GPNMB: variants seen among roughly 807,000 people sequenced by gnomAD.
GPNMB encodes transmembrane glycoprotein NMB.
In GPNMB, 71 loss-of-function variants were observed where a neutral mutation model predicts 57.3. That is an observed-to-expected ratio of 1.24 (90% CI 1.02 to 1.51). The LOEUF (loss-of-function observed/expected upper bound fraction) is 1.51, where lower values mean the gene tolerates loss of function less well. GPNMB is among the 40% of genes most tolerant of loss of function. The probability of loss-of-function intolerance (pLI) is 0.00; values close to 1 mark genes in which losing one functional copy is unlikely to be tolerated. For synonymous variants in GPNMB, 253 were observed against 263.2 expected, an observed-to-expected ratio of 0.96 and a Z score of 0.38; for missense variants, 677 against 691.9, an observed-to-expected ratio of 0.98 and a Z score of 0.24.
intron 3 of GPNMB, among the ~76,000 whole-genome samples, chr7:23,256,246 G>A (rs1367276149): frequency 1.3e-5 from 2 of 152,200 alleles, no homozygotes; most frequent in East Asian, 1.9e-4. Flanking sequence ...ACAACAAATT[G>A]TTGTTAACTA....
chr7:23,263,280 A>G (rs1782973528), intron 6 of GPNMB, among the ~76,000 whole-genome samples: 1 of 152,132 alleles, frequency 6.6e-6, no homozygotes, highest in Non-Finnish European at 1.5e-5. Context: ...GCTATTTAAA[A>G]TTTCTGTTGT....
intron 6 of GPNMB, 139 bp downstream of exon 6, chr7:23,260,912 T>C (rs1782907630): frequency 3.3e-6 from 2 of 603,016 alleles, no homozygotes; most frequent in African/African-American, 1.9e-5. Flanking sequence ...GTTGATTTTT[T>C]AAAGCAAAGT....
chr7:23,260,171 C>T, intron 5 of GPNMB, 33 bp downstream of exon 5: 5 of 1,606,954 alleles, frequency 3.1e-6, no homozygotes, highest in Non-Finnish European at 4.3e-6. Flanking sequence ...GAGGATGAGG[C>T]ACTTCATTCT....
Position 23,253,376 on chromosome 7 carries a change from G to T in GPNMB, c.140G>T (p.Trp47Leu). ...AGGGAGCACAATCAATTAAATGGCTGGTCTTCTGATGAAAATGACTGGAAT... is the reference window on the plus strand; with the variant it reads ...AGGGAGCACAATCAATTAAATGGCTTGTCTTCTGATGAAAATGACTGGAAT... Reference protein sequence around the residue: ...YMREHNQLNGWSSDENDWNEK... With the variant: ...YMREHNQLNGLSSDENDWNEK... The change falls in exon 2 of 11, where the codon TGG becomes TTG. Residue 47 changes from tryptophan (W) to leucine (L), a missense_variant. Coordinates refer to ENST00000258733, the MANE Select transcript of GPNMB (RefSeq NM_002510.3). 2 of 1,613,550 alleles carry T rather than the reference G, an allele frequency of 1.2e-6. No homozygotes were observed.
intron 4 of GPNMB, 69 bp downstream of exon 4, chr7:23,257,134 C>T (rs745814030): frequency 5.3e-6 from 7 of 1,314,622 alleles, no homozygotes; most frequent in Non-Finnish European, 7.7e-6. Context: ...TCTTTTCTTA[C>T]TCTATAATTG....
At chr7:23,266,243 C>T (rs548005601) in intron 6 of GPNMB, 38 of 404,836 alleles carry the variant, frequency 9.4e-5, no homozygotes, top group Non-Finnish European at 1.5e-4. Flanking sequence ...GCCACTGCAC[C>T]CGGCCAGTTT....
rs143597331 is a variant in GPNMB at position 23,253,559 on chromosome 7, C to G, written c.223+100C>G. On this transcript the variant is annotated intron_variant, in intron 2 of 10. Transcript: ENST00000258733. Reference sequence around the variant, plus strand: ...GATCACACGGCTCACGTCATTTCCACGAATGACAGTGCTCTCATTACCAAG... The same window carrying G: ...GATCACACGGCTCACGTCATTTCCAGGAATGACAGTGCTCTCATTACCAAG... 5.7e-4 allele frequency: 562 copies of G among 979,516 alleles called. 1 individual carries two copies. The African/African-American group carries it at 8.2e-3, about 14-fold the overall frequency. 60.7% of individuals were successfully genotyped at this position (979,516 alleles called of 1,614,324 possible). A position where few individuals can be genotyped will look rare whatever the true frequency, so the allele number is the denominator to read the frequency against.
At chr7:23,259,175 C>T (rs1042074892) in intron 4 of GPNMB, among the ~76,000 whole-genome samples, 2 of 152,016 alleles carry the variant, frequency 1.3e-5, no homozygotes, top group Non-Finnish European at 2.9e-5. Context: ...TCTATTTCAT[C>T]ACTTACGGGA....
At chr7:23,258,084 T>G (rs1782824732) in intron 4 of GPNMB, 1 of 152,218 alleles carries the variant, frequency 6.6e-6, no homozygotes, top group Non-Finnish European at 1.5e-5. Context: ...CAAATGGTAT[T>G]CATTTTGTTG....
chr7:23,268,112 A>G (rs747408196), intron 8 of GPNMB, 124 bp downstream of exon 8: 4 of 660,604 alleles, frequency 6.1e-6, no homozygotes, highest in East Asian at 5.4e-5. Flanking sequence ...TTGAATTCCT[A>G]TTTACTGGTA....
At chr7:23,250,247 C>G (rs570382250) in intron 1 of GPNMB, among the ~76,000 whole-genome samples, 12 of 152,256 alleles carry the variant, frequency 7.9e-5, no homozygotes, top group African/African-American at 2.6e-4. Context: ...TCTTTCATGT[C>G]ATGTTTCAGA....
At chr7:23,250,375 T>C (rs945000983) in intron 1 of GPNMB, among the ~76,000 whole-genome samples, 32 of 152,200 alleles carry the variant, frequency 2.1e-4, no homozygotes, top group African/African-American at 7.2e-4. Context: ...GCTTTTTGCT[T>C]TTTTACAGCA....
At chr7:23,255,082 G>A (rs541853432) in intron 3 of GPNMB, among the ~76,000 whole-genome samples, 3 of 152,244 alleles carry the variant, frequency 2.0e-5, no homozygotes, top group South Asian at 2.1e-4. Context: ...GCAATGGCGC[G>A]ATCTTGGTTC....
rs1782893606 is a variant in GPNMB, at chr7:23,260,566, A to G, written c.811A>G (p.Ser271Gly). The change falls in exon 6 of 11, where the codon AGC becomes GGC. Residue 271 changes from serine to glycine, a missense_variant. By Grantham distance (56) the Ser-to-Gly change is moderately conservative. Transcript: ENST00000258733. The stretch of plus-strand genomic sequence containing the variant: ...GTTTGATGTCCTGATTCATGATCCT[A>G]GCCACTTCCTCAATTATTCTACCAT... ...IMFDVLIHDP[S>G]HFLNYSTINY... 4 of 1,613,758 alleles carry G rather than the reference A, an allele frequency of 2.5e-6. No individual in the cohort carries two copies. The South Asian group carries it at 3.3e-5, about 13-fold the overall frequency.
At chr7:23,248,230 C>T (rs1782581582) in intron 1 of GPNMB, among the ~76,000 whole-genome samples, 1 of 152,136 alleles carries the variant, frequency 6.6e-6, no homozygotes, top group Non-Finnish European at 1.5e-5. Flanking sequence ...ATTGTTCCTA[C>T]GGAGGCAGAC....
intron 1 of GPNMB, chr7:23,247,153 G>A: frequency 1.8e-6 from 1 of 555,362 alleles, no homozygotes; most frequent in Non-Finnish European, 3.2e-6. Flanking sequence ...AAACTATGCT[G>A]CCCTTCTCTT....
At chr7:23,269,031 C>T (rs978140444) in intron 8 of GPNMB, among the ~76,000 whole-genome samples, 2 of 152,128 alleles carry the variant, frequency 1.3e-5, no homozygotes, top group Non-Finnish European at 2.9e-5. Flanking sequence ...GACCTGGACT[C>T]GTTAATCTCT....
rs184349635 is a variant in GPNMB at position 23,274,490 on chromosome 7, G to A, written c.*266G>A. ...TTATGTTTCACTTATAAAGTCTTAG[G>A]TAACTAGTAGGATAGAAACACTGTG... On this transcript the variant is annotated 3_prime_UTR_variant, in exon 11 of 11. Coordinates refer to ENST00000258733, the MANE Select transcript of GPNMB (RefSeq NM_002510.3). 1.5e-4 allele frequency: 45 copies of A among 304,430 alleles called. No individual in the cohort carries two copies. The Admixed American group carries it at 2.1e-3, about 14-fold the overall frequency. 18.9% of individuals were successfully genotyped at this position (304,430 alleles called of 1,614,324 possible). A position where few individuals can be genotyped will look rare whatever the true frequency, so the allele number is the denominator to read the frequency against.
chr7:23,259,273 C>T (rs1782854464), intron 4 of GPNMB, among the ~76,000 whole-genome samples: 1 of 152,146 alleles, frequency 6.6e-6, no homozygotes, highest in South Asian at 2.1e-4. Flanking sequence ...GGAATCCCCG[C>T]TCCGGGTTTA....
Sources: gnomAD v4.1 joint callset for allele counts (sites outside exome capture counted in the v4.1 genomes callset) on GRCh38, gnomAD v4.1.1 for gene constraint, MANE v1.5 for transcripts, NCBI Gene and HGNC (gene_info 2026-07-23, HGNC 2026-07-21) for gene names.